CNTNAP3B: variants seen among roughly 807,000 people sequenced by gnomAD.
CNTNAP3B encodes the protein contactin associated protein family member 3B.
CNTNAP3B carries 25 observed loss-of-function variants against 108.9 expected under a neutral mutation model. The observed-to-expected ratio is 0.23, with a 90% CI of 0.17 to 0.32. The LOEUF is 0.32. Among genes scored for constraint, CNTNAP3B ranks in the 10% least tolerant of loss-of-function variants. The pLI is 1.00. For synonymous variants in CNTNAP3B, 103 were observed against 473.4 expected (o/e 0.22, Z 10.16); for missense variants, 252 against 1,210.4 (o/e 0.21, Z 11.75).
chr9:42,110,961 C>T lies in CNTNAP3B; in HGVS notation c.86-6222G>A, dbSNP rs1297559742. On this transcript the variant is annotated intron_variant, in intron 1 of 23. Transcript: ENST00000377561. ...CAGTGATGGTCAATGTAAAAATCTA[C>T]TGTTTTCCATATAAAAACTTCTGTT... Among the ~76,000 whole-genome samples, 4 of 139,894 alleles carry T rather than the reference C, an allele frequency of 2.9e-5. 1 individual carries two copies. The highest frequency in any genetic ancestry group is 1.1e-4 in the African/African-American group (4 of 35,360). The allele number at this position is 139,894 out of a possible 152,430, so 91.8% of individuals were successfully genotyped here.
At chr9:41,921,097 G>T (rs1401919199) in intron 17 of CNTNAP3B, among the ~76,000 whole-genome samples, 1 of 152,308 alleles carries the variant, frequency 6.6e-6, no homozygotes, top group Non-Finnish European at 1.5e-5. Flanking sequence ...ATTCCAATTC[G>T]GTGGGCCTAA....
chr9:42,086,560 T>C (rs1426574824), intron 2 of CNTNAP3B, among the ~76,000 whole-genome samples: 1 of 118,426 alleles, frequency 8.4e-6, no homozygotes, highest in African/African-American at 3.6e-5. Context: ...TTCTCCTGCC[T>C]CAGCTACCCG....
intron 13 of CNTNAP3B, among the ~76,000 whole-genome samples, chr9:41,943,333 T>C (rs1226725940): frequency 6.6e-6 from 1 of 150,750 alleles, no homozygotes; most frequent in Non-Finnish European, 1.5e-5. Flanking sequence ...ATATCCAAAC[T>C]GTTGGACAAT....
chr9:42,116,720 C>T (rs62558076), intron 1 of CNTNAP3B, among the ~76,000 whole-genome samples: 1,876 of 139,662 alleles, frequency 0.013, 248 homozygotes, highest in South Asian at 0.054. Context: ...TTAAAAGACA[C>T]AGAGTGGCAA....
rs1440984518 is a variant in CNTNAP3B at position 42,057,525 on chromosome 9, G to A, written c.390+19344C>T. ...CAGCCTCTAGGTATTTTTCTAATTG[G>A]TAAGACTAACTCCTTTTTCAATTTC... On this transcript the variant is annotated intron_variant, in intron 3 of 23. Transcript: ENST00000377561. Among the ~76,000 whole-genome samples, 17 of 125,888 alleles carry A rather than the reference G, an allele frequency of 1.4e-4. 5 individuals are homozygous for A. Among genetic ancestry groups the A allele is most frequent in the Admixed American group, 2.4e-4 (3 of 12,432 alleles). 82.6% of individuals were successfully genotyped at this position (125,888 alleles called of 152,430 possible).
At position 42,124,487 on chromosome 9, in the gene CNTNAP3B, A is replaced by T. The variant is rs1451530454; in HGVS notation, c.85+4523T>A. Among the ~76,000 whole-genome samples, 6 of 136,510 alleles carry T rather than the reference A, an allele frequency of 4.4e-5. 2 individuals are homozygous for T. The highest frequency in any genetic ancestry group is 7.4e-5 in the Admixed American group (1 of 13,522). 89.6% of individuals were successfully genotyped at this position (136,510 alleles called of 152,430 possible). ...TTTAAAACAAACAATTCCATGCCTT[A>T]TATGTCAAGTGGAAAAGGAATATTT... On this transcript the variant is annotated intron_variant, in intron 1 of 23. Transcript: ENST00000377561.
At chr9:41,947,524 T>A (rs1373471535) in intron 13 of CNTNAP3B, among the ~76,000 whole-genome samples, 2 of 152,184 alleles carry the variant, frequency 1.3e-5, no homozygotes, top group Non-Finnish European at 2.9e-5. Flanking sequence ...TCAAAATATG[T>A]GAAATGTAGG....
intron 3 of CNTNAP3B, among the ~76,000 whole-genome samples, chr9:42,049,289 C>T (rs562464104): frequency 7.2e-6 from 1 of 139,240 alleles, no homozygotes; most frequent in Non-Finnish European, 1.5e-5. Flanking sequence ...TCTCTCACTC[C>T]CACACTATAG....
At chr9:41,937,400 T>A (rs1442019622) in intron 14 of CNTNAP3B, among the ~76,000 whole-genome samples, 5 of 151,578 alleles carry the variant, frequency 3.3e-5, no homozygotes, top group African/African-American at 1.2e-4. Context: ...GTGCTGTGAT[T>A]ACAGGCATGA....
At chr9:41,952,014 G>A (rs1824702389) in intron 13 of CNTNAP3B, among the ~76,000 whole-genome samples, 1 of 152,358 alleles carries the variant, frequency 6.6e-6, no homozygotes, top group African/African-American at 2.4e-5. Flanking sequence ...GAGGGGAGCG[G>A]GTTGCAGTGA....
chr9:41,999,586 A>G (rs1339285006), intron 4 of CNTNAP3B, among the ~76,000 whole-genome samples: 2 of 121,534 alleles, frequency 1.6e-5, no homozygotes, highest in Non-Finnish European at 3.4e-5. Flanking sequence ...CAGACATCCT[A>G]TTGGTTCTGT....
intron 1 of CNTNAP3B, among the ~76,000 whole-genome samples, chr9:42,118,759 T>C (rs1300589776): frequency 8.7e-6 from 1 of 115,546 alleles, no homozygotes; most frequent in Non-Finnish European, 1.8e-5. Context: ...GATGACATGA[T>C]TGTGTATTTA....
In CNTNAP3B at chr9:42,079,896, T is replaced by A. The variant is rs1006395386; in HGVS notation, c.197-2834A>T. Among the ~76,000 whole-genome samples, 8 of 132,846 alleles carry A rather than the reference T, an allele frequency of 6.0e-5. 1 individual carries two copies. The highest frequency in any genetic ancestry group is 9.5e-5 in the Non-Finnish European group (6 of 62,976). 87.2% of individuals were successfully genotyped at this position (132,846 alleles called of 152,430 possible). Reference sequence around the variant, plus strand: ...AGCCAACCCATCATCTTAGGCTGGATGTTGTACATTGGGAATTTTATACAC... The same window carrying A: ...AGCCAACCCATCATCTTAGGCTGGAAGTTGTACATTGGGAATTTTATACAC... On this transcript the variant is annotated intron_variant, in intron 2 of 23. Coordinates refer to ENST00000377561, the MANE Select transcript of CNTNAP3B (RefSeq NM_001201380.3).
intron 12 of CNTNAP3B, among the ~76,000 whole-genome samples, chr9:41,957,741 T>C (rs1187845590): frequency 2.6e-5 from 4 of 152,374 alleles, no homozygotes; most frequent in African/African-American, 9.6e-5. Flanking sequence ...CTGACTCTGG[T>C]TTTTGTTTGT....
intron 1 of CNTNAP3B, among the ~76,000 whole-genome samples, chr9:42,111,445 A>G (rs1828191164): frequency 7.2e-6 from 1 of 138,910 alleles, no homozygotes; most frequent in Non-Finnish European, 1.5e-5. Context: ...GAACAGAAAT[A>G]AAGGAAAATA....
Position 41,989,642 on chromosome 9 carries a change from C to CT in CNTNAP3B, c.1333+1967dup, listed in dbSNP as rs901793787. On this transcript the variant is annotated intron_variant, in intron 8 of 23. Coordinates refer to ENST00000377561, the MANE Select transcript of CNTNAP3B (RefSeq NM_001201380.3). ...TAAAAGGGATACACACTTTCATTCACTTTTTTTCCTTAGAGCATTTCTTTC... is the reference window on the plus strand; with the variant it reads ...TAAAAGGGATACACACTTTCATTCACTTTTTTTTCCTTAGAGCATTTCTTTC... 1.5e-5 allele frequency among the ~76,000 whole-genome samples: 2 copies of CT among 136,570 alleles called. 1 individual carries two copies. Among genetic ancestry groups the CT allele is most frequent in the African/African-American group, 5.9e-5 (2 of 34,056 alleles). 89.6% of individuals were successfully genotyped at this position (136,570 alleles called of 152,430 possible).
chr9:42,032,107 C>A (rs1453771458), intron 3 of CNTNAP3B, among the ~76,000 whole-genome samples: 1 of 117,346 alleles, frequency 8.5e-6, no homozygotes, highest in African/African-American at 3.6e-5. Flanking sequence ...CTCCCAGGAG[C>A]CCCGCCTGCA....
intron 9 of CNTNAP3B, chr9:41,983,635 G>C (rs1825673593): frequency 1.1e-5 from 1 of 92,358 alleles, no homozygotes; most frequent in Non-Finnish European, 2.3e-5. Context: ...TAACAATCTT[G>C]GACCGATGAT....
At chr9:42,047,678 C>CCTT (rs1826899389) in intron 3 of CNTNAP3B, among the ~76,000 whole-genome samples, 224 of 19,268 alleles carry the variant, frequency 0.012, 17 homozygotes, top group Non-Finnish European at 0.02. Context: ...GCCCCTTCCT[C>CCTT]CCTTCCTTCC....
Sources: gnomAD v4.1 joint callset for allele counts (sites outside exome capture counted in the v4.1 genomes callset) on GRCh38, gnomAD v4.1.1 for gene constraint, MANE v1.5 for transcripts, NCBI Gene and HGNC (gene_info 2026-07-23, HGNC 2026-07-21) for gene names.